Variants in SPECC1 observed in about 807,000 individuals in gnomAD.
SPECC1 encodes the protein cytospin-B.
A neutral mutation model predicts 104.1 loss-of-function variants in SPECC1; 62 were observed. That is an observed-to-expected ratio of 0.60 (90% CI 0.49 to 0.74). The LOEUF (loss-of-function observed/expected upper bound fraction) is 0.74, where lower values mean the gene tolerates loss of function less well. Ranked by LOEUF, SPECC1 falls within the 30% of genes least tolerant of loss-of-function variation. The pLI is 0.00. For synonymous variants in SPECC1, 513 were observed against 501.6 expected, an observed-to-expected ratio of 1.02 and a Z score of -0.30; for missense variants, 1,306 against 1,310.5, an observed-to-expected ratio of 1.00 and a Z score of 0.05.
intron 1 of SPECC1, among the ~76,000 whole-genome samples, chr17:20,059,603 C>T (rs145801107): frequency 6.6e-6 from 1 of 152,316 alleles, no homozygotes; most frequent in Non-Finnish European, 1.5e-5. Flanking sequence ...CTTTCTGGTC[C>T]TCCTTCACTT....
At chr17:20,282,294 C>A (rs557008549) in intron 12 of SPECC1, among the ~76,000 whole-genome samples, 1 of 152,200 alleles carries the variant, frequency 6.6e-6, no homozygotes. Context: ...TGGGACACAG[C>A]CGTCCTCTCG....
chr17:20,251,978 A>G (rs998148414), intron 9 of SPECC1, among the ~76,000 whole-genome samples: 3 of 152,188 alleles, frequency 2.0e-5, no homozygotes, highest in African/African-American at 7.2e-5. Flanking sequence ...GAAGCTGCCA[A>G]GATGGTGGGT....
At chr17:20,134,904 G>GA (rs530085959) in intron 3 of SPECC1, among the ~76,000 whole-genome samples, 150 of 152,344 alleles carry the variant, frequency 9.8e-4, no homozygotes, top group Non-Finnish European at 2.9e-4. Flanking sequence ...TGTTCCAGAA[G>GA]AAAGTTCTGC....
chr17:20,292,347 G>A (rs368121546), intron 12 of SPECC1, among the ~76,000 whole-genome samples: 1 of 151,788 alleles, frequency 6.6e-6, no homozygotes, highest in African/African-American at 2.4e-5. Flanking sequence ...TTTTTTTGGG[G>A]GGGGGACGGA....
At chr17:20,156,827 C>T (rs528245910) in intron 3 of SPECC1, among the ~76,000 whole-genome samples, 2 of 152,246 alleles carry the variant, frequency 1.3e-5, no homozygotes, top group African/African-American at 4.8e-5. Context: ...TCATGTCGGC[C>T]CCCAGCAGAG....
At chr17:20,250,598 A>T (rs1285725516) in intron 9 of SPECC1, among the ~76,000 whole-genome samples, 1 of 152,234 alleles carries the variant, frequency 6.6e-6, no homozygotes, top group African/African-American at 2.4e-5. Flanking sequence ...TATAATTTAT[A>T]TCTTTTCCTT....
At chr17:20,200,037 C>G (rs983912311) in intron 3 of SPECC1, among the ~76,000 whole-genome samples, 1 of 152,184 alleles carries the variant, frequency 6.6e-6, no homozygotes, top group Non-Finnish European at 1.5e-5. Flanking sequence ...GTGATCCACC[C>G]GCCTTGACCT....
intron 3 of SPECC1, among the ~76,000 whole-genome samples, chr17:20,133,681 C>CT (rs777545118): frequency 1.1e-3 from 160 of 152,290 alleles, no homozygotes; most frequent in Non-Finnish European, 2.0e-3. Context: ...CCAGAACCAC[C>CT]TGTTGGGATG....
chr17:20,302,782 G>A (rs975853851), intron 13 of SPECC1, among the ~76,000 whole-genome samples: 5 of 142,136 alleles, frequency 3.5e-5, no homozygotes, highest in African/African-American at 7.7e-5. Flanking sequence ...GGTGCCAGGC[G>A]TTGTGGCAAC....
At chr17:20,264,954 A>C (rs923100312) in intron 12 of SPECC1, among the ~76,000 whole-genome samples, 1 of 152,180 alleles carries the variant, frequency 6.6e-6, no homozygotes, top group African/African-American at 2.4e-5. Context: ...TTATATGGAC[A>C]TGATTTTTGT....
At chr17:20,018,961 C>A (rs905482555) in intron 1 of SPECC1, among the ~76,000 whole-genome samples, 6 of 152,298 alleles carry the variant, frequency 3.9e-5, no homozygotes, top group African/African-American at 1.2e-4. Flanking sequence ...CAGCATAAAC[C>A]ACACAATAAT....
chr17:20,016,616 C>T (rs1353371027), intron 1 of SPECC1, among the ~76,000 whole-genome samples: 5 of 152,222 alleles, frequency 3.3e-5, no homozygotes, highest in Admixed American at 2.6e-4. Context: ...GCACCTGGGC[C>T]AGCAGCTGCT....
chr17:20,100,930 C>G (rs894772222), intron 2 of SPECC1, among the ~76,000 whole-genome samples: 9 of 152,128 alleles, frequency 5.9e-5, no homozygotes, highest in East Asian at 1.9e-4. Context: ...GTTTTCTGTT[C>G]CTGTGTTAGT....
At position 20,205,694 on chromosome 17, in the gene SPECC1, A is replaced by G; in HGVS notation, c.1645A>G (p.Met549Val). The G allele has an allele frequency of 1.2e-6, 2 of 1,614,222 alleles. No homozygotes were observed. The highest frequency in any genetic ancestry group is 1.7e-6 in the Non-Finnish European group (2 of 1,180,024). Reference sequence around the variant, plus strand: ...TAGAGTTACCTTGGAAGGGCTAAAAATGGAGAATGGATCTTTGAAGTCTCA... The same window carrying G: ...TAGAGTTACCTTGGAAGGGCTAAAAGTGGAGAATGGATCTTTGAAGTCTCA... ...ECRVTLEGLK[M>V]ENGSLKSHLQ... The change falls in exon 4 of 15, where the codon ATG becomes GTG. Residue 549 changes from methionine (M) to valine (V), a missense_variant. Met to Val is a conservative substitution (Grantham distance 21). Transcript: ENST00000395527.
At chr17:20,036,614 T>C (rs2045095072) in intron 1 of SPECC1, among the ~76,000 whole-genome samples, 1 of 152,240 alleles carries the variant, frequency 6.6e-6, no homozygotes, top group Non-Finnish European at 1.5e-5. Flanking sequence ...ATATTAAGTA[T>C]AGTTACCATG....
rs924063244 is a variant in SPECC1, at chr17:20,185,983, G to A, written c.284-18350G>A. On this transcript the variant is annotated intron_variant, in intron 3 of 14. Transcript: ENST00000395527. ...CTCCTGAGTAGCTAGGACTACAGGC[G>A]TGTGCCACCACACCCAGCTAATTTT... 2.6e-5 allele frequency among the ~76,000 whole-genome samples: 4 copies of A among 152,132 alleles called. No homozygotes were observed. The South Asian group carries it at 6.2e-4, about 24-fold the overall frequency.
intron 1 of SPECC1, among the ~76,000 whole-genome samples, chr17:20,040,284 A>G (rs1037431346): frequency 6.6e-6 from 1 of 152,182 alleles, no homozygotes; most frequent in Non-Finnish European, 1.5e-5. Context: ...TTCCCCATTT[A>G]TAATTCTCTG....
At chr17:20,230,659 C>CAT (rs1200974055) in intron 5 of SPECC1, among the ~76,000 whole-genome samples, 1 of 152,150 alleles carries the variant, frequency 6.6e-6, no homozygotes, top group African/African-American at 2.4e-5. Flanking sequence ...GTTATATCAT[C>CAT]ATATATCCAA....
intron 9 of SPECC1, among the ~76,000 whole-genome samples, chr17:20,251,906 A>G (rs1465450493): frequency 6.6e-6 from 1 of 152,176 alleles, no homozygotes; most frequent in Non-Finnish European, 1.5e-5. Flanking sequence ...AGAGTCTCAC[A>G]GGTGGGTGGT....
Sources: allele counts gnomAD v4.1 joint callset (sites outside exome capture counted in the v4.1 genomes callset), GRCh38; gene constraint gnomAD v4.1.1; transcripts MANE v1.5; gene names NCBI Gene and HGNC (gene_info 2026-07-23, HGNC 2026-07-21).